SYCP2: variants seen among roughly 807,000 people sequenced by gnomAD.
SYCP2 encodes synaptonemal complex lateral element protein.
SYCP2 carries 55 observed loss-of-function variants against 211.3 expected under a neutral mutation model. That is an observed-to-expected ratio of 0.26 (90% CI 0.21 to 0.33). SYCP2 has a LOEUF of 0.33. Among genes scored for constraint, SYCP2 ranks in the 10% least tolerant of loss-of-function variants. The pLI is 1.00. For synonymous variants in SYCP2, 570 were observed against 555.2 expected, an observed-to-expected ratio of 1.03 and a Z score of -0.37; for missense variants, 1,731 against 1,752.0, an observed-to-expected ratio of 0.99 and a Z score of 0.21.
chr20:59,916,164 ACTT>A (rs1391123295), intron 8 of SYCP2, among the ~76,000 whole-genome samples: 100 of 152,302 alleles, frequency 6.6e-4, no homozygotes, highest in African/African-American at 2.3e-3. Context: ...AAAAAATGTT[ACTT>A]TATTTTGTTC....
chr20:59,915,320 C>T, intron 9 of SYCP2, 121 bp from the exon 10 acceptor site: 1 of 1,019,756 alleles, frequency 9.8e-7, no homozygotes, highest in Non-Finnish European at 1.5e-6. Flanking sequence ...TCGACTTTTG[C>T]AGAAATTATA....
intron 15 of SYCP2, among the ~76,000 whole-genome samples, chr20:59,903,595 A>G (rs1156458389): frequency 1.3e-5 from 2 of 152,172 alleles, no homozygotes; most frequent in Non-Finnish European, 2.9e-5. Flanking sequence ...CAACAAGAGT[A>G]GACAAATATC....
chr20:59,902,159 A>T (rs1049381758), intron 15 of SYCP2, among the ~76,000 whole-genome samples: 1 of 152,164 alleles, frequency 6.6e-6, no homozygotes, highest in African/African-American at 2.4e-5. Flanking sequence ...CAAAAACAAT[A>T]ACTTTAATTC....
rs371778295 is a variant in SYCP2 at position 59,868,793 on chromosome 20, T to G, written c.3832+42A>C. 8.0e-6 allele frequency: 12 copies of G among 1,497,646 alleles called. No homozygotes were observed. The African/African-American group carries it at 1.5e-4, about 19-fold the overall frequency. The allele number at this position is 1,497,646 out of a possible 1,614,324, so 92.8% of individuals were successfully genotyped here. A position where few individuals can be genotyped will look rare whatever the true frequency, so the allele number is the denominator to read the frequency against. On this transcript the variant is annotated intron_variant, in intron 37 of 44. Transcript: ENST00000357552. Reference sequence around the variant, plus strand: ...CTTTAGTTGAAATGTCACGTAGCATTTCAGTAATCATTTTTTAAAAAGCAA... The same window carrying G: ...CTTTAGTTGAAATGTCACGTAGCATGTCAGTAATCATTTTTTAAAAAGCAA...
chr20:59,924,148 G>C (rs892413360), intron 2 of SYCP2, among the ~76,000 whole-genome samples: 1 of 151,864 alleles, frequency 6.6e-6, no homozygotes, highest in Non-Finnish European at 1.5e-5. Context: ...TAATTAAGGA[G>C]GGGAAGTTAA....
rs748162011 is a variant in SYCP2 at position 59,892,336 on chromosome 20, T to C, written c.2018A>G (p.Lys673Arg). The C allele has an allele frequency of 6.2e-7, 1 of 1,607,004 alleles. No homozygotes were observed. Among genetic ancestry groups the C allele is most frequent in the Admixed American group, 1.7e-5 (1 of 59,762 alleles). The change falls in exon 24 of 45, where the codon AAG becomes AGG. Residue 673 changes from lysine (K) to arginine (R), a missense_variant. By Grantham distance (26) the Lys-to-Arg change is conservative. Transcript: ENST00000357552. ...TTTGATATGGTCGGTTTGTTCTTTC[T>C]TATATTTCACTTTTCCTGTTCCTTC... ...NSEGTGKVKYKKEQTDHIKID... is the reference protein window; with the variant it reads ...NSEGTGKVKYRKEQTDHIKID...
intron 3 of SYCP2, 55 bp from the exon 4 acceptor site, chr20:59,921,508 T>C: frequency 7.7e-7 from 1 of 1,298,940 alleles, no homozygotes; most frequent in Non-Finnish European, 1.0e-6. Context: ...TTAATTACCT[T>C]ATGCAATCTA....
chr20:59,911,576 G>C (rs1250685058), intron 14 of SYCP2, among the ~76,000 whole-genome samples, 174 bp downstream of exon 14: 1 of 152,076 alleles, frequency 6.6e-6, no homozygotes, highest in East Asian at 1.9e-4. Context: ...ATCAGAAGTA[G>C]TTTTCATTTA....
chr20:59,930,925 C>A (rs2060727284), intron 2 of SYCP2, among the ~76,000 whole-genome samples: 1 of 151,826 alleles, frequency 6.6e-6, no homozygotes, highest in African/African-American at 2.4e-5. Flanking sequence ...CAGTTTTAAC[C>A]CTTAGATCAT....
At chr20:59,933,148 C>T (rs930357738) in intron 1 of SYCP2, 1 of 152,562 alleles carries the variant, frequency 6.6e-6, no homozygotes, top group Non-Finnish European at 1.5e-5. Flanking sequence ...CTCCCGCACC[C>T]CTCAGCCTCC....
At chr20:59,922,609 A>C (rs754242506) in intron 2 of SYCP2, 150 bp from the exon 3 acceptor site, 27 of 433,206 alleles carry the variant, frequency 6.2e-5, no homozygotes, top group Non-Finnish European at 9.3e-5. Flanking sequence ...TAAATTACAC[A>C]TTTGAATATG....
At chr20:59,868,776 G>A in intron 37 of SYCP2, 59 bp downstream of exon 37, 1 of 1,437,374 alleles carries the variant, frequency 7.0e-7, no homozygotes, top group Admixed American at 2.1e-5. Flanking sequence ...TCCTTTAGTT[G>A]AAATGTCACG....
rs1225545979 is a variant in SYCP2, at chr20:59,880,322, A to T, written c.2922T>A (p.Asn974Lys). The change falls in exon 31 of 45, where the codon AAT becomes AAA. Residue 974 changes from asparagine to lysine, a missense_variant. This residue lies in a region of SYCP2 where 1,387 missense variants were observed against 1,351.3 expected (regional missense o/e 1.03). Transcript: ENST00000357552. ...IDYSRNKNVK[N>K]HKSGKSRSSL... is the part of the protein sequence containing the mutation. ...TCTTACTTGATTTTCCACTTTTATGATTCTTCACATTTTTATTTCTGCTAT... is the reference window on the plus strand; with the variant it reads ...TCTTACTTGATTTTCCACTTTTATGTTTCTTCACATTTTTATTTCTGCTAT... The T allele has an allele frequency of 6.3e-7, 1 of 1,585,484 alleles. No individual in the cohort carries two copies. Among genetic ancestry groups the T allele is most frequent in the Admixed American group, 1.8e-5 (1 of 55,610 alleles).
At position 59,885,984 on chromosome 20, in the gene SYCP2, CA is replaced by C. The variant is rs1568931057; in HGVS notation, c.2493-21del. The stretch of plus-strand genomic sequence containing the variant: ...AAACCACTGTAAAAAAAGATTTTGT[CA>C]AAATTGAAAAAGCAAATCAGTATCA... On this transcript the variant is annotated intron_variant, in intron 25 of 44. Transcript: ENST00000357552. 6.3e-7 allele frequency: 1 copy of C among 1,587,708 alleles called. No homozygotes were observed. The highest frequency in any genetic ancestry group is 8.6e-7 in the Non-Finnish European group (1 of 1,165,482).
chr20:59,877,623 T>G, intron 32 of SYCP2, 68 bp from the exon 33 acceptor site: 1 of 1,363,728 alleles, frequency 7.3e-7, no homozygotes, highest in Non-Finnish European at 1.0e-6. Flanking sequence ...CAATTTGCTA[T>G]AAAATTGGCA....
rs751304918 is a variant in SYCP2 at position 59,882,092 on chromosome 20, T to G, written c.2600+3A>C. On this transcript the variant is annotated splice_donor_region_variant and intron_variant, in intron 27 of 44. Transcript: ENST00000357552. ...AATGAAAAATATTACAAAAAATACT[T>G]ACACTGGGCATTCAGAAGTAACATT... The G allele has an allele frequency of 6.2e-7, 1 of 1,612,150 alleles. No individual in the cohort carries two copies. Among genetic ancestry groups the G allele is most frequent in the South Asian group, 1.1e-5 (1 of 90,776 alleles).
intron 24 of SYCP2, among the ~76,000 whole-genome samples, chr20:59,887,804 GAGA>G (rs2059824365): frequency 6.8e-6 from 1 of 147,798 alleles, no homozygotes; most frequent in African/African-American, 2.5e-5. Flanking sequence ...TAAGAAGAAA[GAGA>G]AAAAAAAAAC....
chr20:59,915,887 G>A (rs1052459191), intron 8 of SYCP2, among the ~76,000 whole-genome samples: 3 of 152,078 alleles, frequency 2.0e-5, no homozygotes, highest in Non-Finnish European at 4.4e-5. Context: ...CCAGCTACTC[G>A]GAAGGGAGGC....
chr20:59,910,349 G>A (rs112994709), intron 14 of SYCP2, among the ~76,000 whole-genome samples: 3,345 of 141,480 alleles, frequency 0.024, 54 homozygotes, highest in South Asian at 0.045. Context: ...TCCCTATCAT[G>A]TATACTGCTA....
Sources: gnomAD v4.1 joint callset for allele counts (sites outside exome capture counted in the v4.1 genomes callset) on GRCh38, gnomAD v4.1.1 for gene constraint, gnomAD v4.1.1 regional missense constraint, MANE v1.5 for transcripts, NCBI Gene and HGNC (gene_info 2026-07-23, HGNC 2026-07-21) for gene names.